CHST15: variants seen among roughly 807,000 people sequenced by gnomAD.
CHST15 encodes B cell RAG associated protein (GALNAC4S-6ST).
Under a neutral mutation model 53.6 loss-of-function variants are expected in CHST15, and 30 were observed. The observed-to-expected ratio is 0.56, with a 90% CI of 0.42 to 0.76. The LOEUF is 0.76. Ranked by LOEUF, CHST15 falls within the 30% of genes least tolerant of loss-of-function variation. The pLI, the probability that CHST15 is intolerant of heterozygous loss-of-function variation, is 0.00. For synonymous variants in CHST15, 296 were observed against 289.8 expected, an observed-to-expected ratio of 1.02 and a Z score of -0.22; for missense variants, 627 against 740.5, an observed-to-expected ratio of 0.85 and a Z score of 1.78.
chr10:124,044,697 A>G lies in CHST15; in HGVS notation c.769T>C (p.Tyr257His), dbSNP rs1472004157. 21 of 1,613,906 alleles carry G rather than the reference A, an allele frequency of 1.3e-5. 1 individual carries two copies. Among genetic ancestry groups the G allele is most frequent in the Non-Finnish European group, 1.5e-5 (18 of 1,179,930 alleles). The change falls in exon 3 of 8, where the codon TAC (tyrosine) becomes CAC (histidine). Residue 257 changes from tyrosine (Y) to histidine (H), a missense_variant. Tyr to His is a moderately conservative substitution (Grantham distance 83). Coordinates refer to ENST00000435907, the MANE Select transcript of CHST15 (RefSeq NM_001270764.2). The part of the protein sequence containing the change: ...HFRLRCLPHF[Y>H]IIGQPKCGTT... ...CCGCACTTGGGCTGCCCTATGATGTAGAAGTGCGGCAGGCAGCGCAGGCGG... is the reference window on the plus strand; with the variant it reads ...CCGCACTTGGGCTGCCCTATGATGTGGAAGTGCGGCAGGCAGCGCAGGCGG...
intron 5 of CHST15, among the ~76,000 whole-genome samples, chr10:124,032,613 A>G (rs1301513878): frequency 1.3e-5 from 2 of 152,218 alleles, no homozygotes; most frequent in East Asian, 3.8e-4. Context: ...ATGGGATTAA[A>G]TAAAGAAAAA....
Position 124,046,072 on chromosome 10 carries a change from C to T in CHST15, c.141G>A (p.Val47=). The part of the protein sequence containing the change: ...CKGENKILFR[V]DSKQMNLLAV... ...CAAGCAAGTTCATCTGCTTACTGTC[C>T]ACACGAAACAGAATTTTGTTTTCTC... Residue 47 remains valine, a synonymous_variant, in exon 2 of 8, where the codon GTG becomes GTA. Coordinates refer to ENST00000435907, the MANE Select transcript of CHST15 (RefSeq NM_001270764.2). 1.9e-6 allele frequency: 3 copies of T among 1,614,114 alleles called. No homozygotes were observed. The highest frequency in any genetic ancestry group is 2.2e-5 in the East Asian group (1 of 44,896).
At chr10:124,060,714 T>C (rs1948544585) in intron 1 of CHST15, among the ~76,000 whole-genome samples, 1 of 152,216 alleles carries the variant, frequency 6.6e-6, no homozygotes, top group Non-Finnish European at 1.5e-5. Context: ...GTTTAAAATA[T>C]TCGAAATTTC....
rs367705392 is a variant in CHST15, at chr10:124,012,398, C to T, written c.1430G>A (p.Arg477His). The change falls in exon 7 of 8, where the codon CGC becomes CAC. Residue 477 changes from arginine (R) to histidine (H), a missense_variant. Arg to His is a conservative substitution (Grantham distance 29, BLOSUM62 0). Coordinates refer to ENST00000435907, the MANE Select transcript of CHST15 (RefSeq NM_001270764.2). ...GACGTTGGATGCATGATCTTCCAGG[C>T]GAAGAATGAGAAACTGTTGCTTGTC... is the stretch of plus-strand genomic sequence containing the variant. ...VFDKQQFLILRLEDHASNVKY... is the reference protein window; with the variant it reads ...VFDKQQFLILHLEDHASNVKY... 12 of 1,614,040 alleles carry T rather than the reference C, an allele frequency of 7.4e-6. No homozygotes were observed. Among genetic ancestry groups the T allele is most frequent in the African/African-American group, 4.0e-5 (3 of 75,004 alleles).
intron 1 of CHST15, among the ~76,000 whole-genome samples, chr10:124,084,393 C>T (rs1949350996): frequency 6.6e-6 from 1 of 152,164 alleles, no homozygotes; most frequent in Non-Finnish European, 1.5e-5. Context: ...CCAACCTTCT[C>T]CGTTAGAGCC....
At chr10:124,088,142 G>A (rs1408359174) in intron 1 of CHST15, among the ~76,000 whole-genome samples, 1 of 152,242 alleles carries the variant, frequency 6.6e-6, no homozygotes, top group Non-Finnish European at 1.5e-5. Context: ...CAGGCACTGT[G>A]CCAAGCACTG....
chr10:124,069,665 GGCAGA>G (rs1227605607), intron 1 of CHST15, among the ~76,000 whole-genome samples: 1 of 152,204 alleles, frequency 6.6e-6, no homozygotes, highest in Non-Finnish European at 1.5e-5. Flanking sequence ...AAACAGGTGA[GGCAGA>G]GCAGGGGACC....
intron 1 of CHST15, among the ~76,000 whole-genome samples, chr10:124,072,864 T>C (rs1948962634): frequency 6.6e-6 from 1 of 152,156 alleles, no homozygotes. Context: ...TCTCTTCCAG[T>C]GCACCCATTC....
Position 124,038,628 on chromosome 10 carries a change from C to T in CHST15, c.1077G>A (p.Thr359=), listed in dbSNP as rs761984447. ...ASTMWDNNAW[T]FFYDNSTDGE... is the part of the protein sequence containing the mutation. ...CATCCGTGCTGTTGTCGTAGAAGAA[C>T]GTCCAGGCATTATTATCCCACATCG... Residue 359 remains threonine (T), a synonymous_variant, in exon 5 of 8, where the codon ACG becomes ACA. Transcript: ENST00000435907. The T allele has an allele frequency of 2.3e-5, 37 of 1,614,084 alleles. No individual in the cohort carries two copies. Among genetic ancestry groups the T allele is most frequent in the East Asian group, 6.7e-5 (3 of 44,900 alleles).
At chr10:124,057,852 G>A (rs572680752) in intron 1 of CHST15, among the ~76,000 whole-genome samples, 53 of 152,190 alleles carry the variant, frequency 3.5e-4, no homozygotes, top group Non-Finnish European at 7.1e-4. Flanking sequence ...GCAACCACCC[G>A]AGATATGGGC....
chr10:124,040,909 A>G (rs1008614608), intron 4 of CHST15, among the ~76,000 whole-genome samples: 1 of 152,218 alleles, frequency 6.6e-6, no homozygotes, highest in Non-Finnish European at 1.5e-5. Context: ...TTCCTTTTTC[A>G]TTCATTATCT....
At chr10:124,032,847 C>A (rs560027068) in intron 5 of CHST15, among the ~76,000 whole-genome samples, 32 of 150,858 alleles carry the variant, frequency 2.1e-4, no homozygotes, top group Admixed American at 1.6e-3. Flanking sequence ...CACTTGACTC[C>A]TTCTCTGGAA....
At chr10:124,077,921 C>T (rs1949127316) in intron 1 of CHST15, among the ~76,000 whole-genome samples, 1 of 152,208 alleles carries the variant, frequency 6.6e-6, no homozygotes, top group Non-Finnish European at 1.5e-5. Context: ...AATTAAAATA[C>T]ACCAGAGCAT....
intron 1 of CHST15, among the ~76,000 whole-genome samples, chr10:124,060,316 C>T (rs1948520205): frequency 6.7e-6 from 1 of 149,838 alleles, no homozygotes; most frequent in African/African-American, 2.5e-5. Flanking sequence ...TCTGCCCCCC[C>T]AGAAACGTGT....
chr10:124,029,693 G>A (rs1050561913), intron 5 of CHST15, among the ~76,000 whole-genome samples: 1 of 152,252 alleles, frequency 6.6e-6, no homozygotes, highest in Non-Finnish European at 1.5e-5. Flanking sequence ...GAGGATTGGC[G>A]GGCTACCCCT....
chr10:124,020,919 G>C, intron 6 of CHST15: 1 of 1,378,086 alleles, frequency 7.3e-7, no homozygotes, highest in East Asian at 2.7e-5. Context: ...ATGCTCTTAA[G>C]ACAATTTGAG....
chr10:124,028,487 C>T (rs984017495), intron 5 of CHST15, among the ~76,000 whole-genome samples: 4 of 152,172 alleles, frequency 2.6e-5, no homozygotes, highest in African/African-American at 9.7e-5. Context: ...CCGTAGCATC[C>T]ACCCATTTAA....
chr10:124,027,627 T>C (rs1256561294), intron 5 of CHST15, among the ~76,000 whole-genome samples: 1 of 152,188 alleles, frequency 6.6e-6, no homozygotes, highest in Non-Finnish European at 1.5e-5. Context: ...CTGATGTGGA[T>C]GCTGGGGGGT....
chr10:124,012,830 C>T (rs974823105), intron 6 of CHST15, among the ~76,000 whole-genome samples: 1 of 152,132 alleles, frequency 6.6e-6, no homozygotes, highest in East Asian at 1.9e-4. Context: ...TTTCTCTGTT[C>T]CCAGTGTGAC....
Sources: gnomAD v4.1 joint callset for allele counts (sites outside exome capture counted in the v4.1 genomes callset) on GRCh38, gnomAD v4.1.1 for gene constraint, MANE v1.5 for transcripts, NCBI Gene and HGNC (gene_info 2026-07-23, HGNC 2026-07-21) for gene names.